ZFHX4: variants seen among roughly 807,000 people sequenced by gnomAD.
ZFHX4 encodes zinc finger homeobox 4.
A neutral mutation model predicts 267.6 loss-of-function variants in ZFHX4; 56 were observed. That is an observed-to-expected ratio of 0.21 (90% CI 0.17 to 0.26). ZFHX4 has a LOEUF of 0.26. ZFHX4 is among the 10% of genes least tolerant of loss of function. The probability of loss-of-function intolerance (pLI) is 1.00; values close to 1 mark genes in which losing one functional copy is unlikely to be tolerated. For missense variants in ZFHX4, 4,332 were observed against 4,420.0 expected, an observed-to-expected ratio of 0.98 and a Z score of 0.56; for synonymous variants, 1,778 against 1,665.6, an observed-to-expected ratio of 1.07 and a Z score of -1.64.
At chr8:76,747,479 C>T (rs918219011) in intron 3 of ZFHX4, among the ~76,000 whole-genome samples, 4 of 152,242 alleles carry the variant, frequency 2.6e-5, no homozygotes, top group South Asian at 2.1e-4. Flanking sequence ...TTTGTGTCCA[C>T]GTGTTCTCAA....
At chr8:76,792,912 C>A (rs931787536) in intron 4 of ZFHX4, among the ~76,000 whole-genome samples, 2 of 152,112 alleles carry the variant, frequency 1.3e-5, no homozygotes. Flanking sequence ...GGGGCAGTTC[C>A]TTTGAGTTGA....
intron 10 of ZFHX4, among the ~76,000 whole-genome samples, chr8:76,859,266 T>C (rs545917648): frequency 6.6e-6 from 1 of 152,310 alleles, no homozygotes; most frequent in African/African-American, 2.4e-5. Flanking sequence ...TCATCATGTA[T>C]GCCTGCTTCC....
intron 1 of ZFHX4, chr8:76,682,480 G>C (rs1180056202): frequency 6.6e-6 from 1 of 152,318 alleles, no homozygotes; most frequent in East Asian, 2.0e-4. Flanking sequence ...TCTCGGCGGC[G>C]CGGGCGCGGG....
rs569552849 is a variant in ZFHX4, at chr8:76,811,924, C to CA, written c.3326-21406dup. Among the ~76,000 whole-genome samples the CA allele has an allele frequency of 4.4e-3, 660 of 151,386 alleles. 3 individuals are homozygous for CA. The highest frequency in any genetic ancestry group is 0.015 in the African/African-American group (626 of 41,302). Reference sequence around the variant, plus strand: ...GGGCAACAAGAGCGAAATTCCGTCTCAAAAAAAATAAAAAAGTTATAGATT... The same window carrying CA: ...GGGCAACAAGAGCGAAATTCCGTCTCAAAAAAAAATAAAAAAGTTATAGATT... On this transcript the variant is annotated intron_variant, in intron 4 of 10. Transcript: ENST00000651372.
chr8:76,822,018 T>TAC (rs745904780), intron 4 of ZFHX4, among the ~76,000 whole-genome samples: 33 of 152,086 alleles, frequency 2.2e-4, no homozygotes, highest in Admixed American at 3.9e-4. Flanking sequence ...TCTCTCCACA[T>TAC]ACACACACAT....
intron 3 of ZFHX4, among the ~76,000 whole-genome samples, chr8:76,711,774 C>G (rs1002169751): frequency 6.6e-6 from 1 of 152,112 alleles, no homozygotes; most frequent in Non-Finnish European, 1.5e-5. Flanking sequence ...ATAATGAAAA[C>G]CACAGAGCAC....
In ZFHX4 at chr8:76,706,503, C is replaced by G. The variant is rs1314129830; in HGVS notation, c.2415C>G (p.Ile805Met). ...TTTTGCAGCAGAACATGAAGCAGAT[C>G]CAGCATAATCTGCACTTGGGCCTCG... ...MMLLQQNMKQ[I>M]QHNLHLGLAP... The change falls in exon 2 of 11, where the codon ATC becomes ATG. Residue 805 changes from isoleucine (I) to methionine (M), a missense_variant. Around this residue, in one of 7 missense-constraint regions of ZFHX4, gnomAD observed 1,195 missense variants for 1,173.6 expected, o/e 1.02. Transcript: ENST00000651372. 2 of 1,613,708 alleles carry G rather than the reference C, an allele frequency of 1.2e-6. No individual in the cohort carries two copies. The highest frequency in any genetic ancestry group is 2.7e-5 in the African/African-American group (2 of 74,940).
chr8:76,721,088 G>A (rs1019373075), intron 3 of ZFHX4, among the ~76,000 whole-genome samples: 10 of 152,066 alleles, frequency 6.6e-5, no homozygotes, highest in African/African-American at 2.4e-4. Context: ...GTCTTTGAGG[G>A]GGACATGTAT....
At chr8:76,698,079 A>C (rs991149937) in intron 1 of ZFHX4, among the ~76,000 whole-genome samples, 1 of 152,138 alleles carries the variant, frequency 6.6e-6, no homozygotes, top group Admixed American at 6.6e-5. Flanking sequence ...ATACTAGCAA[A>C]ACAGTATCAA....
At chr8:76,834,197 C>T (rs6983222) in intron 5 of ZFHX4, 121 of 429,238 alleles carry the variant, frequency 2.8e-4, no homozygotes, top group East Asian at 2.0e-3. Context: ...CTATGAGCAT[C>T]GGTGTCCAGG....
At chr8:76,812,561 A>G (rs545282562) in intron 4 of ZFHX4, among the ~76,000 whole-genome samples, 1 of 152,354 alleles carries the variant, frequency 6.6e-6, no homozygotes, top group South Asian at 2.1e-4. Context: ...GCCAAATTTA[A>G]GAAACAGAAA....
chr8:76,752,814 T>C (rs1204814875), intron 3 of ZFHX4, among the ~76,000 whole-genome samples: 1 of 152,250 alleles, frequency 6.6e-6, no homozygotes, highest in African/African-American at 2.4e-5. Context: ...TACTTAATTA[T>C]AGCTGCAAAT....
chr8:76,853,079 CTCCT>C lies in ZFHX4; in HGVS notation c.6159_6162del (p.Pro2056HisfsTer26). 3.2e-6 allele frequency: 4 copies of C among 1,243,086 alleles called. No individual in the cohort carries two copies. Among genetic ancestry groups the C allele is most frequent in the Non-Finnish European group, 1.1e-6 (1 of 880,410 alleles). The allele number at this position is 1,243,086 out of a possible 1,614,324, so 77.0% of individuals were successfully genotyped here. On this transcript the variant is annotated frameshift_variant, in exon 10 of 11. Coordinates refer to ENST00000651372, the MANE Select transcript of ZFHX4 (RefSeq NM_024721.5). LOFTEE classifies it high-confidence loss of function. ...CCACCACCACCTCCTCCTCCTCCTCCTCCTCCCCCCCCACCTCCTCCACCTTCTG... is the reference window on the plus strand; with the variant it reads ...CCACCACCACCTCCTCCTCCTCCTCCCCCCCCCCACCTCCTCCACCTTCTG...
intron 3 of ZFHX4, among the ~76,000 whole-genome samples, chr8:76,747,295 CA>C (rs1162810491): frequency 1.3e-5 from 2 of 152,038 alleles, no homozygotes; most frequent in South Asian, 2.1e-4. Flanking sequence ...ATTTTAGGTT[CA>C]GGGGGTACAT....
At chr8:76,746,756 A>G (rs1012578723) in intron 3 of ZFHX4, among the ~76,000 whole-genome samples, 2 of 152,208 alleles carry the variant, frequency 1.3e-5, no homozygotes, top group Non-Finnish European at 2.9e-5. Flanking sequence ...AGCAAAACTA[A>G]GACTAAACAA....
At chr8:76,730,837 C>T (rs957477910) in intron 3 of ZFHX4, among the ~76,000 whole-genome samples, 4 of 152,136 alleles carry the variant, frequency 2.6e-5, no homozygotes, top group African/African-American at 9.7e-5. Flanking sequence ...AAAGCTCCTC[C>T]GTTTTGTATC....
At chr8:76,740,824 T>G (rs372993971) in intron 3 of ZFHX4, among the ~76,000 whole-genome samples, 4 of 152,074 alleles carry the variant, frequency 2.6e-5, no homozygotes, top group African/African-American at 9.7e-5. Context: ...AAAGGAACAT[T>G]ATTTGAGGGA....
intron 10 of ZFHX4, among the ~76,000 whole-genome samples, chr8:76,858,977 C>T (rs1440704171): frequency 3.3e-5 from 5 of 152,124 alleles, no homozygotes; most frequent in African/African-American, 9.6e-5. Flanking sequence ...AAGGAAATCA[C>T]TAAAAATCGC....
At chr8:76,687,983 C>T (rs558939474) in intron 1 of ZFHX4, among the ~76,000 whole-genome samples, 1 of 152,076 alleles carries the variant, frequency 6.6e-6, no homozygotes, top group African/African-American at 2.4e-5. Flanking sequence ...TATGTTTGTC[C>T]AAGACTTGAG....
Sources: allele counts gnomAD v4.1 joint callset (sites outside exome capture counted in the v4.1 genomes callset), GRCh38; gene constraint gnomAD v4.1.1; regional missense constraint gnomAD v4.1.1; transcripts MANE v1.5; gene names NCBI Gene and HGNC (gene_info 2026-07-23, HGNC 2026-07-21).